The following AGPS variants were observed in gnomAD, a reference collection of about 807,000 sequenced individuals.
AGPS encodes the protein alkyldihydroxyacetonephosphate synthase, peroxisomal.
AGPS carries 26 observed loss-of-function variants against 90.7 expected under a neutral mutation model. The ratio of observed to expected loss-of-function variants is 0.29; its 90% confidence interval spans 0.21 to 0.40. AGPS has a LOEUF of 0.40. Ranked by LOEUF, AGPS falls within the 10% of genes least tolerant of loss-of-function variation. The pLI is 1.00. For synonymous variants in AGPS, 294 were observed against 285.3 expected (o/e 1.03, Z -0.31); for missense variants, 540 against 816.1 (o/e 0.66, Z 4.12).
intron 19 of AGPS, among the ~76,000 whole-genome samples, chr2:177,537,372 C>A (rs920324475): frequency 1.3e-5 from 2 of 152,022 alleles, no homozygotes; most frequent in African/African-American, 4.8e-5. Context: ...AAAAAGGGAA[C>A]TTTGTACAGT....
chr2:177,422,327 A>C (rs1232313162), intron 2 of AGPS, among the ~76,000 whole-genome samples: 1 of 152,198 alleles, frequency 6.6e-6, no homozygotes, highest in Admixed American at 6.5e-5. Flanking sequence ...GAGAGCATAC[A>C]TTCAGAACAA....
intron 9 of AGPS, among the ~76,000 whole-genome samples, chr2:177,462,282 A>G (rs1254938075): frequency 6.6e-6 from 1 of 150,906 alleles, no homozygotes; most frequent in Non-Finnish European, 1.5e-5. Context: ...AGTCCCAGCT[A>G]CTCGGGAGGC....
chr2:177,538,320 G>A lies in AGPS; in HGVS notation c.*125G>A. The stretch of plus-strand genomic sequence containing the variant: ...CATTTGTTTCTTTGGTTTAAAATAA[G>A]TTTGTTTTCATTCTGTAGTTTGTTT... On this transcript the variant is annotated 3_prime_UTR_variant, in exon 20 of 20. Transcript: ENST00000264167. 1 of 1,094,406 alleles carries A rather than the reference G, an allele frequency of 9.1e-7. No individual in the cohort carries two copies. Among genetic ancestry groups the A allele is most frequent in the Non-Finnish European group, 1.3e-6 (1 of 758,014 alleles). 67.8% of individuals were successfully genotyped at this position (1,094,406 alleles called of 1,614,324 possible).
intron 13 of AGPS, 117 bp downstream of exon 13, chr2:177,497,882 A>G (rs961787329): frequency 9.5e-6 from 4 of 421,532 alleles, no homozygotes; most frequent in Admixed American, 4.3e-5. Context: ...ACATTTCAGA[A>G]TTACAGTTTT....
intron 10 of AGPS, among the ~76,000 whole-genome samples, chr2:177,472,855 T>A (rs2105681700): frequency 6.6e-6 from 1 of 152,328 alleles, no homozygotes; most frequent in Admixed American, 6.5e-5. Flanking sequence ...TTTACGTGTG[T>A]ACACGTGTAC....
chr2:177,529,769 T>C (rs1164755835), intron 19 of AGPS, among the ~76,000 whole-genome samples: 1 of 152,158 alleles, frequency 6.6e-6, no homozygotes, highest in African/African-American at 2.4e-5. Flanking sequence ...CCAATATAAA[T>C]TTGAGTGGCT....
chr2:177,427,544 T>G (rs1188723375), intron 2 of AGPS, among the ~76,000 whole-genome samples: 1 of 152,228 alleles, frequency 6.6e-6, no homozygotes, highest in Non-Finnish European at 1.5e-5. Context: ...TCTGGTACTT[T>G]GTTTCTTTGT....
chr2:177,419,175 A>G lies in AGPS; in HGVS notation c.261-1094A>G, dbSNP rs114297373. On this transcript the variant is annotated intron_variant, in intron 1 of 19. Coordinates refer to ENST00000264167, the MANE Select transcript of AGPS (RefSeq NM_003659.4). Reference sequence around the variant, plus strand: ...TTATGTTCATGTTCATTTGTTTGAAAAGCCTTTGAACTAGAACAAGAATTA... The same window carrying G: ...TTATGTTCATGTTCATTTGTTTGAAGAGCCTTTGAACTAGAACAAGAATTA... Among the ~76,000 whole-genome samples the G allele has an allele frequency of 8.0e-3, 1,213 of 151,982 alleles. 14 individuals are homozygous for G. Among genetic ancestry groups the G allele is most frequent in the African/African-American group, 0.027 (1,130 of 41,544 alleles).
chr2:177,464,697 T>G (rs1687397506), intron 9 of AGPS, among the ~76,000 whole-genome samples: 1 of 152,222 alleles, frequency 6.6e-6, no homozygotes, highest in African/African-American at 2.4e-5. Flanking sequence ...CCTGAGCATA[T>G]CTGATTACAC....
intron 10 of AGPS, among the ~76,000 whole-genome samples, chr2:177,468,962 G>A (rs944135920): frequency 1.3e-5 from 2 of 151,866 alleles, no homozygotes; most frequent in Admixed American, 1.3e-4. Context: ...TTAAAATTCT[G>A]GTTCACATAT....
intron 10 of AGPS, among the ~76,000 whole-genome samples, chr2:177,473,913 A>G (rs1271032809): frequency 6.6e-6 from 1 of 152,226 alleles, no homozygotes. Context: ...CTAATTTTTA[A>G]AAGTCTCATT....
At chr2:177,482,345 A>G (rs1687970897) in intron 11 of AGPS, among the ~76,000 whole-genome samples, 159 bp downstream of exon 11, 2 of 152,144 alleles carry the variant, frequency 1.3e-5, no homozygotes, top group Non-Finnish European at 2.9e-5. Flanking sequence ...ATGAAAAGGT[A>G]GTGTTGTACA....
chr2:177,498,129 AATACAT>A (rs1311247383), intron 13 of AGPS, among the ~76,000 whole-genome samples: 3 of 151,762 alleles, frequency 2.0e-5, no homozygotes, highest in Non-Finnish European at 4.4e-5. Context: ...GCCATCTTAT[AATACAT>A]GTGTGCCTTC....
At chr2:177,462,140 C>A in intron 9 of AGPS, 122 bp downstream of exon 9, 1 of 844,186 alleles carries the variant, frequency 1.2e-6, no homozygotes. Flanking sequence ...CCTGTAATCC[C>A]AGCACTTTGG....
intron 5 of AGPS, among the ~76,000 whole-genome samples, chr2:177,439,500 A>T (rs1035460074): frequency 6.6e-6 from 1 of 152,168 alleles, no homozygotes; most frequent in African/African-American, 2.4e-5. Flanking sequence ...ATTAATGAGT[A>T]TTCTATTTAG....
intron 2 of AGPS, among the ~76,000 whole-genome samples, chr2:177,426,492 AG>A (rs756166213): frequency 7.2e-5 from 11 of 152,222 alleles, no homozygotes; most frequent in Non-Finnish European, 1.2e-4. Context: ...GAATGCTTCC[AG>A]CTTTTGCTCA....
At chr2:177,480,048 C>T (rs559693030) in intron 10 of AGPS, among the ~76,000 whole-genome samples, 4 of 152,082 alleles carry the variant, frequency 2.6e-5, no homozygotes, top group South Asian at 4.2e-4. Context: ...GGCATGGTGG[C>T]GCATGTCTGT....
At chr2:177,442,763 C>T (rs779150108) in intron 7 of AGPS, among the ~76,000 whole-genome samples, 1 of 148,494 alleles carries the variant, frequency 6.7e-6, no homozygotes, top group South Asian at 2.1e-4. Context: ...ATAAGACTCG[C>T]TTGAACCCAG....
At chr2:177,459,015 A>C (rs1272155973) in intron 8 of AGPS, among the ~76,000 whole-genome samples, 1 of 152,266 alleles carries the variant, frequency 6.6e-6, no homozygotes, top group Admixed American at 6.5e-5. Flanking sequence ...CTCAGAAATA[A>C]CACCACACAT....
Sources: allele counts gnomAD v4.1 joint callset (sites outside exome capture counted in the v4.1 genomes callset), GRCh38; gene constraint gnomAD v4.1.1; transcripts MANE v1.5; gene names NCBI Gene and HGNC (gene_info 2026-07-23, HGNC 2026-07-21).